Variants in MTHFD1L observed in about 807,000 individuals in gnomAD.
MTHFD1L encodes the protein monofunctional C1-tetrahydrofolate synthase, mitochondrial.
Under a neutral mutation model 119.5 loss-of-function variants are expected in MTHFD1L, and 81 were observed. The ratio of observed to expected loss-of-function variants is 0.68; its 90% confidence interval spans 0.57 to 0.82. The LOEUF is 0.82. Ranked by LOEUF, MTHFD1L falls within the 40% of genes least tolerant of loss-of-function variation. The probability of loss-of-function intolerance (pLI) is 0.00; values close to 1 mark genes in which losing one functional copy is unlikely to be tolerated. For synonymous variants in MTHFD1L, 430 were observed against 475.2 expected (o/e 0.90, Z 1.24); for missense variants, 1,125 against 1,253.4 (o/e 0.90, Z 1.55).
chr6:151,073,383 A>G (rs1293832728), intron 26 of MTHFD1L, among the ~76,000 whole-genome samples: 1 of 152,226 alleles, frequency 6.6e-6, no homozygotes, highest in African/African-American at 2.4e-5. Flanking sequence ...AGCTAGAGTG[A>G]AAACCTCTGA....
At chr6:150,956,731 A>G (rs1468402849) in intron 17 of MTHFD1L, among the ~76,000 whole-genome samples, 1 of 151,956 alleles carries the variant, frequency 6.6e-6, no homozygotes, top group African/African-American at 2.4e-5. Flanking sequence ...ACAGTTTTAG[A>G]TTTCTGTCCT....
intron 20 of MTHFD1L, among the ~76,000 whole-genome samples, chr6:150,978,363 C>CTTATCCTTATT (rs1776945685): frequency 6.6e-6 from 1 of 152,154 alleles, no homozygotes; most frequent in African/African-American, 2.4e-5. Flanking sequence ...TATCCTTATC[C>CTTATCCTTATT]AGAGGTGCTT....
At chr6:151,040,046 G>A (rs73008821) in intron 26 of MTHFD1L, among the ~76,000 whole-genome samples, 9 of 152,182 alleles carry the variant, frequency 5.9e-5, no homozygotes, top group African/African-American at 2.2e-4. Context: ...ATAAGAGGGC[G>A]GCTGGACAGT....
intron 7 of MTHFD1L, among the ~76,000 whole-genome samples, chr6:150,889,513 G>C (rs946124225): frequency 5.9e-5 from 9 of 152,188 alleles, no homozygotes; most frequent in African/African-American, 2.2e-4. Flanking sequence ...CAGCTATAGT[G>C]TAGAAGATAT....
In MTHFD1L at chr6:151,014,712, A is replaced by T. The variant is rs542813140; in HGVS notation, c.2308-168A>T. Among the ~76,000 whole-genome samples the T allele has an allele frequency of 1.1e-3, 170 of 152,322 alleles. 1 individual carries two copies. Among genetic ancestry groups the T allele is most frequent in the African/African-American group, 3.8e-3 (159 of 41,568 alleles). On this transcript the variant is annotated intron_variant, in intron 22 of 27. Transcript: ENST00000367321. Reference sequence around the variant, plus strand: ...GCCATTGGATCCAGAATCATTTTAGAAATTATTTTGAAGACGAACCTCTTT... The same window carrying T: ...GCCATTGGATCCAGAATCATTTTAGTAATTATTTTGAAGACGAACCTCTTT...
In MTHFD1L at chr6:151,034,545, A is replaced by G. The variant is rs767245924; in HGVS notation, c.2639A>G (p.Lys880Arg). Residue 880 changes from lysine to arginine, a missense_variant, in exon 25 of 28, where the codon AAA (lysine) becomes AGA (arginine). By Grantham distance (26) the Lys-to-Arg change is conservative. This residue lies in a region of MTHFD1L where 1,058 missense variants were observed against 1,151.2 expected (regional missense o/e 0.92). Coordinates refer to ENST00000367321, the MANE Select transcript of MTHFD1L (RefSeq NM_015440.5). Reference sequence around the variant, plus strand: ...ATTGCTCAGGCTGTCTATGGAGCCAAAGATATTGAACTCTCTCCTGAGGCA... The same window carrying G: ...ATTGCTCAGGCTGTCTATGGAGCCAGAGATATTGAACTCTCTCCTGAGGCA... Reference protein sequence around the residue: ...RTIAQAVYGAKDIELSPEAQA... With the variant: ...RTIAQAVYGARDIELSPEAQA... 5.0e-6 allele frequency: 8 copies of G among 1,611,970 alleles called. No individual in the cohort carries two copies. The Admixed American group carries it at 1.3e-4, about 27-fold the overall frequency.
At chr6:150,985,194 G>A (rs541423615) in intron 20 of MTHFD1L, 1 of 152,274 alleles carries the variant, frequency 6.6e-6, no homozygotes, top group African/African-American at 2.4e-5. Context: ...GGTCTTTCAA[G>A]TGCTGAATAC....
rs1174501659 is a variant in MTHFD1L, at chr6:150,932,822, GGA to G, written c.1257-3981_1257-3980del. On this transcript the variant is annotated intron_variant, in intron 11 of 27. Transcript: ENST00000367321. ...AGGGAGGAAGAGAGGGAGGGAGGAA[GGA>G]AGGAAGGAAGGAAGGAAGGGAGAGA... is the stretch of plus-strand genomic sequence containing the variant. 1.0e-3 allele frequency among the ~76,000 whole-genome samples: 147 copies of G among 142,326 alleles called. 1 individual carries two copies. Among genetic ancestry groups the G allele is most frequent in the African/African-American group, 3.7e-3 (135 of 36,826 alleles). 93.4% of individuals were successfully genotyped at this position (142,326 alleles called of 152,430 possible). A position where few individuals can be genotyped will look rare whatever the true frequency, so the allele number is the denominator to read the frequency against.
intron 26 of MTHFD1L, among the ~76,000 whole-genome samples, chr6:151,049,559 G>T (rs1788679859): frequency 6.6e-6 from 1 of 151,446 alleles, no homozygotes; most frequent in Non-Finnish European, 1.5e-5. Flanking sequence ...CTACTAGGGA[G>T]GCTGAGGCAG....
At chr6:150,907,050 A>G (rs1316242881) in intron 8 of MTHFD1L, among the ~76,000 whole-genome samples, 1 of 150,800 alleles carries the variant, frequency 6.6e-6, no homozygotes, top group East Asian at 1.9e-4. Flanking sequence ...TTAATAGTGG[A>G]CAGGGCTTCC....
At chr6:150,932,615 C>G in intron 11 of MTHFD1L, among the ~76,000 whole-genome samples, 1 of 151,932 alleles carries the variant, frequency 6.6e-6, no homozygotes, top group East Asian at 1.9e-4. Context: ...ACTAAAAATA[C>G]AAAAATTAGC....
chr6:150,935,248 T>C, intron 11 of MTHFD1L: 2 of 1,611,912 alleles, frequency 1.2e-6, no homozygotes, highest in Middle Eastern at 4.5e-4. Context: ...GATGCACAGA[T>C]GGCATTGTAT....
At chr6:151,080,377 G>A (rs1038056838) in intron 26 of MTHFD1L, among the ~76,000 whole-genome samples, 1 of 152,126 alleles carries the variant, frequency 6.6e-6, no homozygotes, top group Admixed American at 6.6e-5. Context: ...GCAGTGTTGC[G>A]GGTATCAGGG....
intron 26 of MTHFD1L, among the ~76,000 whole-genome samples, chr6:151,083,687 AT>A (rs1273538951): frequency 2.6e-5 from 4 of 151,854 alleles, no homozygotes; most frequent in African/African-American, 4.8e-5. Flanking sequence ...ACTATGATTG[AT>A]TTTTTTTTAA....
At chr6:150,893,130 T>C (rs1248855626) in intron 7 of MTHFD1L, among the ~76,000 whole-genome samples, 1 of 152,164 alleles carries the variant, frequency 6.6e-6, no homozygotes, top group Non-Finnish European at 1.5e-5. Context: ...AGTGGCGCGA[T>C]CTCGGCTCAC....
At chr6:151,038,273 G>A (rs1460277908) in intron 26 of MTHFD1L, among the ~76,000 whole-genome samples, 1 of 152,160 alleles carries the variant, frequency 6.6e-6, no homozygotes, top group Non-Finnish European at 1.5e-5. Flanking sequence ...ACTTACCCAG[G>A]ATGTGGAAGA....
At chr6:151,021,581 A>G (rs1045599101) in intron 24 of MTHFD1L, among the ~76,000 whole-genome samples, 1 of 152,256 alleles carries the variant, frequency 6.6e-6, no homozygotes, top group Non-Finnish European at 1.5e-5. Flanking sequence ...TAGTCAATCA[A>G]TGCTGGTTCT....
chr6:150,995,235 G>C (rs1584015038), intron 20 of MTHFD1L, among the ~76,000 whole-genome samples: 1 of 152,120 alleles, frequency 6.6e-6, no homozygotes, highest in East Asian at 1.9e-4. Flanking sequence ...TGCTTACCAG[G>C]CCGGGCACGG....
intron 20 of MTHFD1L, among the ~76,000 whole-genome samples, chr6:150,976,216 G>C (rs183827069): frequency 6.6e-5 from 10 of 152,076 alleles, no homozygotes; most frequent in Non-Finnish European, 1.3e-4. Context: ...ATAAAAATAA[G>C]GGGGAAGCAG....
Sources: allele counts gnomAD v4.1 joint callset (sites outside exome capture counted in the v4.1 genomes callset), GRCh38; gene constraint gnomAD v4.1.1; regional missense constraint gnomAD v4.1.1; transcripts MANE v1.5; gene names NCBI Gene and HGNC (gene_info 2026-07-23, HGNC 2026-07-21).